Variants in SPOCK3 observed in about 807,000 individuals in gnomAD.
The protein encoded by SPOCK3 is testican-3.
SPOCK3 carries 30 observed loss-of-function variants against 56.6 expected under a neutral mutation model. The ratio of observed to expected loss-of-function variants is 0.53; its 90% confidence interval spans 0.40 to 0.72. The LOEUF (loss-of-function observed/expected upper bound fraction) is 0.72. Ranked by LOEUF, SPOCK3 falls within the 30% of genes least tolerant of loss-of-function variation. SPOCK3 has a pLI of 0.00. For synonymous variants in SPOCK3, 196 were observed against 183.3 expected, an observed-to-expected ratio of 1.07 and a Z score of -0.56; for missense variants, 527 against 530.0, an observed-to-expected ratio of 0.99 and a Z score of 0.06.
chr4:166,924,900 C>A (rs1252927814), intron 4 of SPOCK3, among the ~76,000 whole-genome samples: 5 of 152,136 alleles, frequency 3.3e-5, no homozygotes, highest in African/African-American at 1.2e-4. Context: ...TCATTTGTTT[C>A]TCTTGTTAGA....
chr4:167,027,027 T>C (rs1212378341), intron 3 of SPOCK3, among the ~76,000 whole-genome samples: 1 of 151,954 alleles, frequency 6.6e-6, no homozygotes, highest in Non-Finnish European at 1.5e-5. Context: ...CCAAATCTTT[T>C]CTTTCATGTT....
chr4:166,815,645 T>C (rs748095742), intron 6 of SPOCK3, among the ~76,000 whole-genome samples: 1 of 151,982 alleles, frequency 6.6e-6, no homozygotes, highest in Non-Finnish European at 1.5e-5. Flanking sequence ...CTGGGCTTGG[T>C]GGTGGGCACC....
At chr4:167,217,816 T>C (rs1735515872) in intron 2 of SPOCK3, among the ~76,000 whole-genome samples, 1 of 152,050 alleles carries the variant, frequency 6.6e-6, no homozygotes, top group Admixed American at 6.6e-5. Flanking sequence ...ACTAAATGGC[T>C]ATACATGATA....
rs369738621 is a variant in SPOCK3 at position 166,754,499 on chromosome 4, A to G, written c.931+9T>C. ...AACTATTTGCGTCTGTAAGGGTCTC[A>G]TCTTTTACCTTGCTGTCTCTGGAAG... On this transcript the variant is annotated intron_variant, in intron 8 of 10. Transcript: ENST00000357545. 3.1e-6 allele frequency: 5 copies of G among 1,610,746 alleles called. No homozygotes were observed. The highest frequency in any genetic ancestry group is 1.6e-4 in the Middle Eastern group (1 of 6,068).
intron 3 of SPOCK3, among the ~76,000 whole-genome samples, chr4:167,006,837 C>A (rs1428942180): frequency 6.6e-6 from 1 of 152,164 alleles, no homozygotes; most frequent in African/African-American, 2.4e-5. Context: ...CCTGTTGCTA[C>A]TACAGCACTG....
At chr4:166,907,152 A>G (rs1401305590) in intron 5 of SPOCK3, among the ~76,000 whole-genome samples, 1 of 152,114 alleles carries the variant, frequency 6.6e-6, no homozygotes, top group South Asian at 2.1e-4. Flanking sequence ...AGATCAAAAC[A>G]CAAGTTATTG....
chr4:167,068,531 T>G (rs1756379060), intron 2 of SPOCK3, among the ~76,000 whole-genome samples: 1 of 151,620 alleles, frequency 6.6e-6, no homozygotes, highest in South Asian at 2.1e-4. Flanking sequence ...AAATAAAAAT[T>G]TTGAATAAAA....
At chr4:167,109,335 ATAT>A (rs1390152087) in intron 2 of SPOCK3, among the ~76,000 whole-genome samples, 2 of 85,926 alleles carry the variant, frequency 2.3e-5, no homozygotes, top group African/African-American at 4.7e-5. Context: ...ATATATATTA[ATAT>A]TATATAATAA....
chr4:167,078,668 T>C (rs559214236), intron 2 of SPOCK3, among the ~76,000 whole-genome samples: 1 of 151,886 alleles, frequency 6.6e-6, no homozygotes, highest in South Asian at 2.1e-4. Flanking sequence ...CACCCTATGA[T>C]GCAGGTATCA....
intron 2 of SPOCK3, among the ~76,000 whole-genome samples, chr4:167,157,137 G>C (rs1210683520): frequency 1.3e-5 from 2 of 151,894 alleles, no homozygotes; most frequent in Non-Finnish European, 2.9e-5. Context: ...AACAATCTAT[G>C]AAACAGATTA....
intron 2 of SPOCK3, among the ~76,000 whole-genome samples, chr4:167,222,044 T>TA (rs1370253291): frequency 6.6e-6 from 1 of 152,014 alleles, no homozygotes; most frequent in African/African-American, 2.4e-5. Flanking sequence ...AGCAAAGAGG[T>TA]AGAAGTAACC....
chr4:166,953,988 G>T (rs1743066007), intron 4 of SPOCK3, among the ~76,000 whole-genome samples: 1 of 152,136 alleles, frequency 6.6e-6, no homozygotes, highest in African/African-American at 2.4e-5. Flanking sequence ...AATGCTAGAT[G>T]ACGAGTTAGT....
chr4:166,737,369 G>T, intron 10 of SPOCK3, 98 bp downstream of exon 10: 1 of 1,306,376 alleles, frequency 7.7e-7, no homozygotes, highest in Non-Finnish European at 1.1e-6. Context: ...TCTTTGCATA[G>T]AGTAAGTCCT....
At chr4:166,989,980 G>C (rs1317195511) in intron 4 of SPOCK3, among the ~76,000 whole-genome samples, 1 of 152,152 alleles carries the variant, frequency 6.6e-6, no homozygotes, top group Non-Finnish European at 1.5e-5. Flanking sequence ...GGGGGAAGCA[G>C]TCACACCCAT....
intron 4 of SPOCK3, among the ~76,000 whole-genome samples, chr4:166,921,825 A>C (rs1008447288): frequency 6.6e-6 from 1 of 152,226 alleles, no homozygotes; most frequent in African/African-American, 2.4e-5. Flanking sequence ...AGGTACCATT[A>C]AAATTCCCAT....
At position 167,026,583 on chromosome 4, in the gene SPOCK3, G is replaced by C. The variant is rs953453428; in HGVS notation, c.236-26120C>G. On this transcript the variant is annotated intron_variant, in intron 3 of 10. Transcript: ENST00000357545. ...ACACTGCAGATATCACTATATAGTA[G>C]TAATTGAATTATTAAATTTTAAATC... Among the ~76,000 whole-genome samples the C allele has an allele frequency of 3.3e-5, 5 of 151,952 alleles. No individual in the cohort carries two copies. The East Asian group carries it at 9.7e-4, about 29-fold the overall frequency.
At chr4:166,906,861 TA>T (rs1448784870) in intron 5 of SPOCK3, among the ~76,000 whole-genome samples, 3 of 151,984 alleles carry the variant, frequency 2.0e-5, no homozygotes, top group African/African-American at 7.2e-5. Flanking sequence ...AATTTTACAT[TA>T]AAAAATTGAA....
chr4:167,102,549 AAT>A (rs1759742608), intron 2 of SPOCK3: 1 of 152,332 alleles, frequency 6.6e-6, no homozygotes, highest in South Asian at 2.1e-4. Context: ...TGGCGTGGAG[AAT>A]ATGTGTTCTC....
intron 4 of SPOCK3, among the ~76,000 whole-genome samples, chr4:166,975,170 G>A (rs1023871549): frequency 6.6e-6 from 1 of 152,066 alleles, no homozygotes; most frequent in African/African-American, 2.4e-5. Context: ...CCGGTCTTTA[G>A]AACTGTAAAA....
Sources: gnomAD v4.1 joint callset for allele counts (sites outside exome capture counted in the v4.1 genomes callset) on GRCh38, gnomAD v4.1.1 for gene constraint, MANE v1.5 for transcripts, NCBI Gene and HGNC (gene_info 2026-07-23, HGNC 2026-07-21) for gene names.